The following PHACTR1 variants were observed in gnomAD, a reference collection of about 807,000 sequenced individuals.
PHACTR1 encodes the protein phosphatase and actin regulator 1.
PHACTR1 carries 16 observed loss-of-function variants against 69.2 expected under a neutral mutation model. The observed-to-expected ratio is 0.23, with a 90% confidence interval of 0.16 to 0.35. The LOEUF (loss-of-function observed/expected upper bound fraction) is 0.35, where lower values mean the gene tolerates loss of function less well. Among genes scored for constraint, PHACTR1 ranks in the 10% least tolerant of loss-of-function variants. The pLI is 1.00. For missense variants in PHACTR1, 510 were observed against 734.7 expected (o/e 0.69, Z 3.54); for synonymous variants, 312 against 284.5 (o/e 1.10, Z -0.97).
rs561956003 is a variant in PHACTR1 at position 13,065,760 on chromosome 6, T to G, written c.415+12231T>G. On this transcript the variant is annotated intron_variant, in intron 5 of 14. Coordinates refer to ENST00000332995, the MANE Select transcript of PHACTR1 (RefSeq NM_030948.6). The stretch of plus-strand genomic sequence containing the variant: ...TCAGCAAAGTGACTGTTAAGCCAAA[T>G]AAATATATTTGCACACATTTTTCAG... Among the ~76,000 whole-genome samples the G allele has an allele frequency of 3.3e-5, 5 of 152,186 alleles. No individual in the cohort carries two copies. The East Asian group carries it at 7.7e-4, about 24-fold the overall frequency.
chr6:12,856,658 A>G (rs1380319986), intron 4 of PHACTR1, among the ~76,000 whole-genome samples: 1 of 152,210 alleles, frequency 6.6e-6, no homozygotes, highest in Non-Finnish European at 1.5e-5. Context: ...AGCGAATCCC[A>G]CTTCCTGCTG....
At chr6:13,060,762 A>C (rs753917644) in intron 5 of PHACTR1, among the ~76,000 whole-genome samples, 2 of 140,184 alleles carry the variant, frequency 1.4e-5, no homozygotes, top group African/African-American at 5.4e-5. Flanking sequence ...ATTGATGATT[A>C]TGACTCTACA....
chr6:13,243,283 T>C (rs73725636), intron 10 of PHACTR1, among the ~76,000 whole-genome samples: 10,751 of 151,692 alleles, frequency 0.071, 1,156 homozygotes, highest in African/African-American at 0.24. Flanking sequence ...TTTTTTCTTT[T>C]CTACAACCTT....
At chr6:12,995,696 T>A (rs547392713) in intron 4 of PHACTR1, among the ~76,000 whole-genome samples, 1 of 152,140 alleles carries the variant, frequency 6.6e-6, no homozygotes, top group African/African-American at 2.4e-5. Context: ...AGGGAATATT[T>A]CATAGGAAGA....
chr6:13,084,790 T>C (rs1350128514), intron 5 of PHACTR1, among the ~76,000 whole-genome samples: 1 of 152,004 alleles, frequency 6.6e-6, no homozygotes, highest in African/African-American at 2.4e-5. Context: ...AGGAAGGTGG[T>C]GATAGGGATT....
intron 7 of PHACTR1, among the ~76,000 whole-genome samples, chr6:13,193,511 C>A (rs2113794338): frequency 6.6e-6 from 1 of 151,098 alleles, no homozygotes; most frequent in East Asian, 1.9e-4. Flanking sequence ...CTCAGCCTCC[C>A]AAGTAGCTGG....
intron 8 of PHACTR1, among the ~76,000 whole-genome samples, chr6:13,221,306 C>T (rs1768578958): frequency 6.6e-6 from 1 of 152,072 alleles, no homozygotes; most frequent in East Asian, 1.9e-4. Flanking sequence ...TCGTGAGGCA[C>T]CTCTTAATCC....
chr6:13,077,386 G>A (rs1296750576), intron 5 of PHACTR1, among the ~76,000 whole-genome samples: 6 of 152,088 alleles, frequency 3.9e-5, no homozygotes, highest in East Asian at 1.9e-4. Flanking sequence ...ACACCTAACC[G>A]TGGCACCACC....
At chr6:13,284,489 C>T (rs1473874077) in intron 13 of PHACTR1, among the ~76,000 whole-genome samples, 6 of 111,598 alleles carry the variant, frequency 5.4e-5, no homozygotes, top group African/African-American at 1.8e-4. Flanking sequence ...TGAATTCCAG[C>T]GTGGATGACA....
In PHACTR1 at chr6:12,717,693, A is replaced by G. The variant is rs1761563703; in HGVS notation, c.-97A>G. On this transcript the variant is annotated 5_prime_UTR_variant, in exon 2 of 15. Transcript: ENST00000332995. ...CAAGATCAAAGACACTCTGGCTGGAACGGCTCTTGTTTTACCGCTGACAGA... is the reference window on the plus strand; with the variant it reads ...CAAGATCAAAGACACTCTGGCTGGAGCGGCTCTTGTTTTACCGCTGACAGA... The G allele has an allele frequency of 6.6e-6, 1 of 152,228 alleles. No homozygotes were observed. Among genetic ancestry groups the G allele is most frequent in the South Asian group, 2.1e-4 (1 of 4,826 alleles). The allele number at this position is 152,228 out of a possible 1,614,324, so 9.4% of individuals were successfully genotyped here.
intron 4 of PHACTR1, among the ~76,000 whole-genome samples, chr6:12,859,039 T>C (rs535555063): frequency 9.8e-5 from 15 of 152,324 alleles, no homozygotes; most frequent in African/African-American, 3.1e-4. Context: ...ACATCCAAGA[T>C]TTGAACCTGG....
Position 13,287,226 on chromosome 6 carries a change from T to C in PHACTR1, c.*148T>C. On this transcript the variant is annotated 3_prime_UTR_variant, in exon 15 of 15. Coordinates refer to ENST00000332995, the MANE Select transcript of PHACTR1 (RefSeq NM_030948.6). ...AAGAAGAAAAATCAAGGAAACACAA[T>C]CAGGATTTTATGTGTGAAAACGCAA... 1 of 884,870 alleles carries C rather than the reference T, an allele frequency of 1.1e-6. No individual in the cohort carries two copies. Among genetic ancestry groups the C allele is most frequent in the South Asian group, 1.8e-5 (1 of 56,106 alleles). The allele number at this position is 884,870 out of a possible 1,614,324, so 54.8% of individuals were successfully genotyped here. A position where few individuals can be genotyped will look rare whatever the true frequency, so the allele number is the denominator to read the frequency against.
intron 4 of PHACTR1, among the ~76,000 whole-genome samples, chr6:13,016,399 G>GA (rs1382572665): frequency 2.0e-5 from 3 of 152,192 alleles, no homozygotes. Context: ...GATACAACTT[G>GA]AAAGCCCTTC....
At chr6:13,052,240 A>C (rs1345140341) in intron 4 of PHACTR1, among the ~76,000 whole-genome samples, 1 of 152,236 alleles carries the variant, frequency 6.6e-6, no homozygotes, top group Admixed American at 6.5e-5. Flanking sequence ...ACACACTCAG[A>C]ATTCCATATG....
At position 13,286,221 on chromosome 6, in the gene PHACTR1, A is replaced by C; in HGVS notation, c.1726A>C (p.Arg576=). ...EVHELSRHLT[R]FHRP ...TCATGAATTGAGTAGACACTTAACA[A>C]GGTTAGTATTAAGGGTTTTTTTTTT... Residue 576 remains arginine (R), a splice_region_variant and synonymous_variant, in exon 14 of 15, where the codon AGG becomes CGG. Coordinates refer to ENST00000332995, the MANE Select transcript of PHACTR1 (RefSeq NM_030948.6). 1 of 1,590,950 alleles carries C rather than the reference A, an allele frequency of 6.3e-7. No individual in the cohort carries two copies. Among genetic ancestry groups the C allele is most frequent in the Non-Finnish European group, 8.5e-7 (1 of 1,170,880 alleles).
At chr6:13,235,836 G>A (rs1404504745) in intron 10 of PHACTR1, among the ~76,000 whole-genome samples, 1 of 152,146 alleles carries the variant, frequency 6.6e-6, no homozygotes, top group African/African-American at 2.4e-5. Flanking sequence ...AGGATCGACT[G>A]GCCCAGTCCT....
chr6:13,169,087 G>A (rs986945272), intron 6 of PHACTR1, among the ~76,000 whole-genome samples: 3 of 152,098 alleles, frequency 2.0e-5, no homozygotes, highest in African/African-American at 7.2e-5. Flanking sequence ...TAAGCATGGG[G>A]AAAAAGAGAG....
At chr6:12,931,541 T>C (rs553552339) in intron 4 of PHACTR1, among the ~76,000 whole-genome samples, 1 of 152,222 alleles carries the variant, frequency 6.6e-6, no homozygotes, top group African/African-American at 2.4e-5. Flanking sequence ...AGTAAGCTCA[T>C]ACTGTGGGGC....
chr6:13,235,937 A>G (rs1771924067), intron 10 of PHACTR1, among the ~76,000 whole-genome samples: 1 of 152,164 alleles, frequency 6.6e-6, no homozygotes, highest in Non-Finnish European at 1.5e-5. Flanking sequence ...ATAAAATGGA[A>G]AGTGCCTCAC....
Sources: gnomAD v4.1 joint callset for allele counts (sites outside exome capture counted in the v4.1 genomes callset) on GRCh38, gnomAD v4.1.1 for gene constraint, MANE v1.5 for transcripts, NCBI Gene and HGNC (gene_info 2026-07-23, HGNC 2026-07-21) for gene names.